Variants in TNKS observed in about 807,000 individuals in gnomAD.
TNKS encodes the protein tankyrase, also known as poly [ADP-ribose] polymerase tankyrase-1.
A neutral mutation model predicts 135.8 loss-of-function variants in TNKS; 72 were observed. That is an observed-to-expected ratio of 0.53 (90% CI 0.44 to 0.64). TNKS has a LOEUF of 0.64. Ranked by LOEUF, TNKS falls within the 30% of genes least tolerant of loss-of-function variation. The probability of loss-of-function intolerance (pLI) is 0.00; values close to 1 mark genes in which losing one functional copy is unlikely to be tolerated. For synonymous variants in TNKS, 849 were observed against 649.3 expected (o/e 1.31, Z -4.68); for missense variants, 1,769 against 1,674.0 (o/e 1.06, Z -0.99).
At chr8:9,712,317 A>AAAAAATTT (rs1448609822) in intron 11 of TNKS, among the ~76,000 whole-genome samples, 1 of 152,104 alleles carries the variant, frequency 6.6e-6, no homozygotes, top group Non-Finnish European at 1.5e-5. Flanking sequence ...CTATCTCTAC[A>AAAAAATTT]AAAAATTTAA....
intron 5 of TNKS, among the ~76,000 whole-genome samples, chr8:9,698,374 G>GAAAAAAAAAAAAAAAAAAAAA (rs34311181): frequency 3.0e-5 from 3 of 98,762 alleles, no homozygotes; most frequent in Admixed American, 1.4e-4. Context: ...ATTTTAAAAT[G>GAAAAAAAAAAAAAAAAAAAAA]AAAAAAAAAA....
intron 2 of TNKS, 50 bp from the exon 3 acceptor site, chr8:9,615,532 T>C (rs1403593355): frequency 1.3e-6 from 2 of 1,482,284 alleles, no homozygotes; most frequent in Non-Finnish European, 1.9e-6. Flanking sequence ...TACCAGTAAA[T>C]AATCTCTGTA....
At chr8:9,750,120 C>G (rs1415823736) in intron 18 of TNKS, among the ~76,000 whole-genome samples, 1 of 152,148 alleles carries the variant, frequency 6.6e-6, no homozygotes, top group Non-Finnish European at 1.5e-5. Flanking sequence ...TTTCATCTAG[C>G]CAAGGGAATT....
intron 3 of TNKS, among the ~76,000 whole-genome samples, chr8:9,649,873 CTTTTCTTTTTTTTTTTTT>C (rs1479117547): frequency 5.2e-5 from 5 of 95,804 alleles, no homozygotes; most frequent in African/African-American, 2.1e-4. Context: ...TCTTTCTTTT[CTTTTCTTTTTTTTTTTTT>C]TTTTTTTTTT....
At chr8:9,728,817 C>T (rs867508735) in intron 13 of TNKS, among the ~76,000 whole-genome samples, 15 of 152,100 alleles carry the variant, frequency 9.9e-5, no homozygotes, top group African/African-American at 3.4e-4. Flanking sequence ...GTTGATGAAA[C>T]TGTGAACTCG....
chr8:9,678,577 C>T (rs1288642101), intron 3 of TNKS, among the ~76,000 whole-genome samples: 1 of 151,972 alleles, frequency 6.6e-6, no homozygotes. Context: ...TTGAAAATAC[C>T]TGGTTATAGT....
intron 11 of TNKS, chr8:9,710,539 A>G (rs1295831843): frequency 6.4e-6 from 3 of 471,704 alleles, no homozygotes; most frequent in Non-Finnish European, 1.1e-5. Flanking sequence ...GTCCACTTGA[A>G]TAACAGTTTA....
chr8:9,669,251 T>TA (rs1418942474), intron 3 of TNKS, among the ~76,000 whole-genome samples: 2 of 150,918 alleles, frequency 1.3e-5, no homozygotes, highest in African/African-American at 2.4e-5. Context: ...ACCCCGTCTC[T>TA]ACTAAAAATA....
chr8:9,643,548 A>G (rs1334663466), intron 3 of TNKS, among the ~76,000 whole-genome samples: 1 of 152,134 alleles, frequency 6.6e-6, no homozygotes, highest in Non-Finnish European at 1.5e-5. Context: ...TCCAACATAC[A>G]AACTTGGAGG....
chr8:9,660,205 G>C (rs1173831496), intron 3 of TNKS, among the ~76,000 whole-genome samples: 1 of 152,154 alleles, frequency 6.6e-6, no homozygotes, highest in Non-Finnish European at 1.5e-5. Context: ...CCAATCAATA[G>C]AAAAAGACGG....
intron 3 of TNKS, among the ~76,000 whole-genome samples, chr8:9,619,786 T>TG (rs1339221562): frequency 1.4e-5 from 2 of 143,788 alleles, no homozygotes; most frequent in African/African-American, 5.2e-5. Context: ...CGAAATCCTT[T>TG]GCTTTTTTTT....
intron 25 of TNKS, among the ~76,000 whole-genome samples, chr8:9,769,205 G>A (rs1807649619): frequency 6.6e-6 from 1 of 152,186 alleles, no homozygotes; most frequent in African/African-American, 2.4e-5. Flanking sequence ...ATGCATGGCT[G>A]TGTGCCAATA....
intron 5 of TNKS, among the ~76,000 whole-genome samples, chr8:9,688,695 A>G (rs986088237): frequency 6.6e-5 from 10 of 152,082 alleles, no homozygotes; most frequent in Non-Finnish European, 2.9e-5. Context: ...GCTGGAGTGC[A>G]GTGGCACAAT....
At chr8:9,596,961 A>G (rs1798812358) in intron 2 of TNKS, among the ~76,000 whole-genome samples, 2 of 152,382 alleles carry the variant, frequency 1.3e-5, no homozygotes, top group Non-Finnish European at 2.9e-5. Flanking sequence ...TATTAGGAAG[A>G]GGACATTGAA....
chr8:9,564,937 A>G (rs1797467657), intron 1 of TNKS, among the ~76,000 whole-genome samples: 1 of 152,224 alleles, frequency 6.6e-6, no homozygotes, highest in African/African-American at 2.4e-5. Context: ...TATCTTCAAG[A>G]AAAAATGAGT....
chr8:9,575,279 G>A lies in TNKS; in HGVS notation c.674-4880G>A, dbSNP rs560699310. The stretch of plus-strand genomic sequence containing the variant: ...TTTTTTGTATATTTAGTAGAGACGG[G>A]TTTCACCATGTTAGCTAGGATGGTC... On this transcript the variant is annotated intron_variant, in intron 1 of 26. Transcript: ENST00000310430. The A allele has an allele frequency of 2.8e-5, 17 of 599,050 alleles. No homozygotes were observed. In the East Asian group the frequency reaches 2.1e-3, roughly 75 times the overall value. 37.1% of individuals were successfully genotyped at this position (599,050 alleles called of 1,614,324 possible).
chr8:9,618,831 G>C (rs1241271169), intron 3 of TNKS, among the ~76,000 whole-genome samples: 1 of 152,128 alleles, frequency 6.6e-6, no homozygotes, highest in Non-Finnish European at 1.5e-5. Context: ...CTTTTCTTCT[G>C]TGAGCATCCC....
chr8:9,635,086 C>A (rs912209613), intron 3 of TNKS, among the ~76,000 whole-genome samples: 1 of 151,576 alleles, frequency 6.6e-6, no homozygotes. Flanking sequence ...CGGAGACTGG[C>A]GTAAACCCGG....
chr8:9,759,809 C>T (rs564946369), intron 20 of TNKS, among the ~76,000 whole-genome samples: 93 of 152,050 alleles, frequency 6.1e-4, no homozygotes, highest in Non-Finnish European at 1.2e-3. Flanking sequence ...CCCATCTCTA[C>T]TAAAAATACA....
Sources: gnomAD v4.1 joint callset for allele counts (sites outside exome capture counted in the v4.1 genomes callset) on GRCh38, gnomAD v4.1.1 for gene constraint, MANE v1.5 for transcripts, NCBI Gene and HGNC (gene_info 2026-07-23, HGNC 2026-07-21) for gene names.